Variants in NETO1 observed in about 807,000 individuals in gnomAD.
NETO1 encodes the protein neuropilin and tolloid-like protein 1.
A neutral mutation model predicts 61.3 loss-of-function variants in NETO1; 26 were observed. The ratio of observed to expected loss-of-function variants is 0.42; its 90% confidence interval spans 0.31 to 0.59. The LOEUF is 0.59. Ranked by LOEUF, NETO1 falls within the 20% of genes least tolerant of loss-of-function variation. The pLI, the probability that NETO1 is intolerant of heterozygous loss-of-function variation, is 0.12. For synonymous variants in NETO1, 225 were observed against 225.8 expected (o/e 1.00, Z 0.03); for missense variants, 531 against 662.8 (o/e 0.80, Z 2.18).
chr18:72,803,851 C>T (rs1470754060), intron 4 of NETO1, among the ~76,000 whole-genome samples: 1 of 151,770 alleles, frequency 6.6e-6, no homozygotes, highest in Non-Finnish European at 1.5e-5. Context: ...CTCTTTCCTG[C>T]TGTTCCAACT....
At chr18:72,828,296 A>G (rs2073452096) in intron 4 of NETO1, among the ~76,000 whole-genome samples, 1 of 152,126 alleles carries the variant, frequency 6.6e-6, no homozygotes, top group Non-Finnish European at 1.5e-5. Context: ...GGGCAATAGA[A>G]GAAGACTGCA....
At chr18:72,789,732 A>C (rs1341036361) in intron 6 of NETO1, among the ~76,000 whole-genome samples, 1 of 152,158 alleles carries the variant, frequency 6.6e-6, no homozygotes, top group Admixed American at 6.5e-5. Context: ...AGGACTGCTT[A>C]CTGGGGTCAC....
intron 4 of NETO1, among the ~76,000 whole-genome samples, chr18:72,795,925 G>A (rs1443245822): frequency 6.6e-6 from 1 of 152,128 alleles, no homozygotes; most frequent in Non-Finnish European, 1.5e-5. Flanking sequence ...GCCACTTTGA[G>A]TTGAGGTTTC....
At chr18:72,839,582 G>A (rs1257115869) in intron 4 of NETO1, among the ~76,000 whole-genome samples, 1 of 149,898 alleles carries the variant, frequency 6.7e-6, no homozygotes, top group Non-Finnish European at 1.5e-5. Flanking sequence ...CAGAACATGG[G>A]CTTTGAAGGT....
chr18:72,805,499 C>T (rs2072646785), intron 4 of NETO1, among the ~76,000 whole-genome samples: 1 of 152,076 alleles, frequency 6.6e-6, no homozygotes, highest in Non-Finnish European at 1.5e-5. Flanking sequence ...ATTTTAATTA[C>T]TTTAAATATA....
chr18:72,764,716 G>A (rs112209188), intron 7 of NETO1, among the ~76,000 whole-genome samples: 28 of 152,184 alleles, frequency 1.8e-4, no homozygotes, highest in African/African-American at 6.0e-4. Flanking sequence ...TGGCTGATGG[G>A]CCTAAGCAAA....
At chr18:72,856,557 A>C (rs2074415596) in intron 4 of NETO1, among the ~76,000 whole-genome samples, 1 of 152,214 alleles carries the variant, frequency 6.6e-6, no homozygotes, top group African/African-American at 2.4e-5. Context: ...CTATTCTGTG[A>C]GTTGCTCAAT....
At chr18:72,804,178 T>A (rs2072600141) in intron 4 of NETO1, among the ~76,000 whole-genome samples, 1 of 152,170 alleles carries the variant, frequency 6.6e-6, no homozygotes, top group Non-Finnish European at 1.5e-5. Flanking sequence ...AAATATTGAA[T>A]GATACAGCCA....
rs1392626725 is a variant in NETO1, at chr18:72,867,901, T to G, written c.-610A>C. On this transcript the variant is annotated 5_prime_UTR_variant, in exon 1 of 11. Coordinates refer to ENST00000327305, the MANE Select transcript of NETO1 (RefSeq NM_138966.5). ...CGGCAGCGCTCCTCGCTCCAGCCCT[T>G]GGGGATCTTCCGCTGAGGCATTGAA... The G allele has an allele frequency of 6.6e-6, 1 of 151,400 alleles. No homozygotes were observed. The highest frequency in any genetic ancestry group is 1.5e-5 in the Non-Finnish European group (1 of 67,680). 9.4% of individuals were successfully genotyped at this position (151,400 alleles called of 1,614,324 possible). A position where few individuals can be genotyped will look rare whatever the true frequency, so the allele number is the denominator to read the frequency against.
chr18:72,857,346 GT>G (rs975167174), intron 4 of NETO1, among the ~76,000 whole-genome samples: 8 of 152,262 alleles, frequency 5.3e-5, no homozygotes, highest in African/African-American at 1.9e-4. Flanking sequence ...GAACAAAAAG[GT>G]TTTTTAAAAC....
chr18:72,793,607 G>T (rs964248828), intron 6 of NETO1, among the ~76,000 whole-genome samples: 1 of 152,088 alleles, frequency 6.6e-6, no homozygotes, highest in Non-Finnish European at 1.5e-5. Flanking sequence ...GAGCTTCATG[G>T]GCAGCTAACT....
intron 7 of NETO1, among the ~76,000 whole-genome samples, chr18:72,781,447 T>C (rs2071737350): frequency 6.6e-6 from 1 of 152,202 alleles, no homozygotes; most frequent in African/African-American, 2.4e-5. Context: ...TCAAGTATTT[T>C]GCTGAGATAA....
intron 3 of NETO1, among the ~76,000 whole-genome samples, chr18:72,859,557 T>C (rs1474427122): frequency 6.6e-6 from 1 of 152,128 alleles, no homozygotes; most frequent in Non-Finnish European, 1.5e-5. Context: ...ACATTAAGAG[T>C]AATTTTTCTA....
At chr18:72,834,152 G>C (rs1305501042) in intron 4 of NETO1, 2 of 769,508 alleles carry the variant, frequency 2.6e-6, no homozygotes, top group Non-Finnish European at 3.2e-6. Flanking sequence ...CAATATTTTT[G>C]TTTAAAAAAC....
chr18:72,807,512 C>A (rs2072712514), intron 4 of NETO1, among the ~76,000 whole-genome samples: 1 of 152,094 alleles, frequency 6.6e-6, no homozygotes, highest in African/African-American at 2.4e-5. Flanking sequence ...AACACGAGTA[C>A]ACAGAAGTTG....
At chr18:72,784,218 T>C (rs1014738814) in intron 6 of NETO1, among the ~76,000 whole-genome samples, 1 of 152,202 alleles carries the variant, frequency 6.6e-6, no homozygotes, top group African/African-American at 2.4e-5. Flanking sequence ...ACACACTGTT[T>C]TACTTTGATT....
chr18:72,828,728 G>T (rs537923695), intron 4 of NETO1, among the ~76,000 whole-genome samples: 1 of 152,252 alleles, frequency 6.6e-6, no homozygotes, highest in Admixed American at 6.5e-5. Flanking sequence ...ATAAAATCTT[G>T]AAGCCACAGA....
chr18:72,845,181 G>T (rs1435657426), intron 4 of NETO1, among the ~76,000 whole-genome samples: 1 of 152,204 alleles, frequency 6.6e-6, no homozygotes, highest in African/African-American at 2.4e-5. Context: ...GTTTCAATGT[G>T]ATCTCATGTG....
intron 3 of NETO1, among the ~76,000 whole-genome samples, chr18:72,862,834 A>G (rs2074619958): frequency 6.6e-6 from 1 of 151,864 alleles, no homozygotes; most frequent in Non-Finnish European, 1.5e-5. Flanking sequence ...ATTGGCCAGG[A>G]TGGTCTCGAT....
Sources: allele counts gnomAD v4.1 joint callset (sites outside exome capture counted in the v4.1 genomes callset), GRCh38; gene constraint gnomAD v4.1.1; transcripts MANE v1.5; gene names NCBI Gene and HGNC (gene_info 2026-07-23, HGNC 2026-07-21).